CFAP95: variants seen among roughly 807,000 people sequenced by gnomAD.
CFAP95 encodes the protein cilia and flagella associated protein 95.
chr9:69,880,031 T>C, the CFAP95 span, among the ~76,000 whole-genome samples: 1 of 111,424 alleles, frequency 9.0e-6, no homozygotes, highest in African/African-American at 3.5e-5. Context: ...AGTAGGTGTA[T>C]GTATTTATAG....
chr9:69,879,496 C>A, the CFAP95 span, among the ~76,000 whole-genome samples: 6 of 152,020 alleles, frequency 3.9e-5, no homozygotes, highest in South Asian at 4.1e-4. Context: ...AAAAGCTATA[C>A]GTATTTATGA....
the CFAP95 span, among the ~76,000 whole-genome samples, chr9:69,871,367 T>C: frequency 6.6e-6 from 1 of 152,256 alleles, no homozygotes; most frequent in South Asian, 2.1e-4. Context: ...CTGAAAGCCA[T>C]GCTGAGTTTG....
chr9:69,895,851 A>G, the CFAP95 span, among the ~76,000 whole-genome samples: 1 of 152,082 alleles, frequency 6.6e-6, no homozygotes, highest in Non-Finnish European at 1.5e-5. Flanking sequence ...ACTGGAGTGC[A>G]GTGGAATGAT....
chr9:69,848,711 C>T, the CFAP95 span, among the ~76,000 whole-genome samples: 1 of 152,192 alleles, frequency 6.6e-6, no homozygotes, highest in Non-Finnish European at 1.5e-5. Context: ...ACTGTGCCCC[C>T]TGTTCCCAGT....
the CFAP95 span, among the ~76,000 whole-genome samples, chr9:69,877,895 G>A: frequency 6.6e-6 from 1 of 152,274 alleles, no homozygotes; most frequent in East Asian, 1.9e-4. Flanking sequence ...GAATTTTCAT[G>A]AGCTTAGTTT....
chr9:69,836,890 C>A, the CFAP95 span, among the ~76,000 whole-genome samples: 2 of 147,722 alleles, frequency 1.4e-5, no homozygotes, highest in African/African-American at 5.0e-5. Context: ...CTCCCCCCAC[C>A]CCACAACAGT....
the CFAP95 span, among the ~76,000 whole-genome samples, chr9:69,876,516 C>T: frequency 6.6e-6 from 1 of 150,434 alleles, no homozygotes; most frequent in Admixed American, 6.6e-5. Flanking sequence ...CTGGGGATGA[C>T]AGAGTGAGAT....
At chr9:69,823,135 G>T in the CFAP95 span, among the ~76,000 whole-genome samples, 1 of 152,170 alleles carries the variant, frequency 6.6e-6, no homozygotes, top group Admixed American at 6.5e-5. Context: ...TTACAACCAT[G>T]GTGGAAGGCA....
At chr9:69,856,473 T>C in the CFAP95 span, 1 of 698,812 alleles carries the variant, frequency 1.4e-6, no homozygotes, top group Non-Finnish European at 2.4e-6. Context: ...AATCAGAATG[T>C]ACTTCAATAA....
chr9:69,838,071 G>C, the CFAP95 span, among the ~76,000 whole-genome samples: 2 of 152,138 alleles, frequency 1.3e-5, no homozygotes, highest in Admixed American at 6.5e-5. Flanking sequence ...TGAGGGCTCT[G>C]TTCTATTCCA....
At chr9:69,868,074 T>G in the CFAP95 span, among the ~76,000 whole-genome samples, 2 of 152,310 alleles carry the variant, frequency 1.3e-5, no homozygotes, top group South Asian at 4.1e-4. Flanking sequence ...ATATTAAGCC[T>G]ATAGGTATAG....
At chr9:69,884,213 A>G in the CFAP95 span, 2 of 152,154 alleles carry the variant, frequency 1.3e-5, no homozygotes, top group African/African-American at 4.8e-5. Context: ...ATGTATTTTT[A>G]CTTTCAAGCT....
the CFAP95 span, among the ~76,000 whole-genome samples, chr9:69,848,588 T>C: frequency 6.6e-6 from 1 of 152,146 alleles, no homozygotes; most frequent in Admixed American, 6.5e-5. Context: ...CCATTCCCAC[T>C]TTTACCTCTC....
chr9:69,858,319 T>C, the CFAP95 span: 1 of 281,714 alleles, frequency 3.5e-6, no homozygotes, highest in African/African-American at 2.2e-5. Context: ...GCACCAGATG[T>C]GTACAATCCC....
At chr9:69,843,555 C>T in the CFAP95 span, among the ~76,000 whole-genome samples, 7 of 26,022 alleles carry the variant, frequency 2.7e-4, no homozygotes, top group Non-Finnish European at 4.0e-4. Context: ...CCTCCTCCTC[C>T]TCCTTCTTCT....
chr9:69,873,414 TTTTG>T, the CFAP95 span, among the ~76,000 whole-genome samples: 6,221 of 151,968 alleles, frequency 0.041, 393 homozygotes, highest in African/African-American at 0.14. Flanking sequence ...ACCTAAGTTT[TTTTG>T]TTTGTTTGTT....
chr9:69,822,351 G>A, the CFAP95 span, among the ~76,000 whole-genome samples: 8 of 152,276 alleles, frequency 5.3e-5, no homozygotes, highest in Non-Finnish European at 8.8e-5. Context: ...ACTTTCTAAA[G>A]CCTATTCCCT....
the CFAP95 span, among the ~76,000 whole-genome samples, chr9:69,866,118 C>A: frequency 6.6e-6 from 1 of 152,186 alleles, no homozygotes; most frequent in Admixed American, 6.5e-5. Context: ...CTGGCACATA[C>A]TTAAGTTTCC....
the CFAP95 span, among the ~76,000 whole-genome samples, chr9:69,834,645 A>G: frequency 1.3e-5 from 2 of 152,158 alleles, no homozygotes; most frequent in East Asian, 1.9e-4. Flanking sequence ...AAGATTTTCT[A>G]TGAAGAAAAT....
Sources: allele counts gnomAD v4.1 joint callset (sites outside exome capture counted in the v4.1 genomes callset), GRCh38; gene constraint gnomAD v4.1.1; transcripts MANE v1.5; gene names NCBI Gene and HGNC (gene_info 2026-07-23, HGNC 2026-07-21).